SEC16B: variants seen among roughly 807,000 people sequenced by gnomAD.
The protein encoded by SEC16B is SEC16 homolog B, endoplasmic reticulum export factor, also known as protein transport protein Sec16B.
Under a neutral mutation model 141.8 loss-of-function variants are expected in SEC16B, and 115 were observed. The observed-to-expected ratio is 0.81, with a 90% confidence interval of 0.70 to 0.95. SEC16B has a LOEUF of 0.95. Among genes scored for constraint, SEC16B ranks in the 40% least tolerant of loss-of-function variants. The pLI, the probability that SEC16B is intolerant of heterozygous loss-of-function variation, is 0.00. For missense variants in SEC16B, 1,291 were observed against 1,312.3 expected (o/e 0.98, Z 0.25); for synonymous variants, 493 against 492.5 (o/e 1.00, Z -0.01).
intron 5 of SEC16B, among the ~76,000 whole-genome samples, chr1:177,962,875 C>T (rs1158316965): frequency 2.7e-5 from 4 of 150,444 alleles, no homozygotes; most frequent in Admixed American, 1.3e-4. Flanking sequence ...GGGAGGCCGA[C>T]GCAGGAGGAT....
intron 6 of SEC16B, chr1:177,961,175 C>T: frequency 1.9e-6 from 1 of 522,226 alleles, no homozygotes. Flanking sequence ...AATGATAATG[C>T]TCTCAGCCCA....
chr1:177,948,473 C>T (rs1018221719), intron 12 of SEC16B: 10 of 1,304,000 alleles, frequency 7.7e-6, no homozygotes, highest in Non-Finnish European at 1.0e-5. Context: ...AGTCTAGTTC[C>T]TACTGCCACT....
intron 4 of SEC16B, 122 bp from the exon 5 acceptor site, chr1:177,964,401 A>C: frequency 1.6e-6 from 1 of 606,262 alleles, no homozygotes; most frequent in Non-Finnish European, 2.9e-6. Flanking sequence ...CCTGGGTGCC[A>C]TAGGAGAAAG....
rs769109855 is a variant in SEC16B, at chr1:177,929,969, A to C, written c.3112-40T>G. ...CAAATATTACACTGAGTACAGCCCC[A>C]AACATGACTCTGCCCGGGGTTGATT... On this transcript the variant is annotated intron_variant, in intron 25 of 25. Coordinates refer to ENST00000308284, the MANE Select transcript of SEC16B (RefSeq NM_033127.4). The C allele has an allele frequency of 3.7e-6, 6 of 1,601,606 alleles. No homozygotes were observed. The African/African-American group carries it at 5.4e-5, about 14-fold the overall frequency.
At chr1:177,968,994 G>GC (rs2102009119) in intron 1 of SEC16B, among the ~76,000 whole-genome samples, 1 of 152,318 alleles carries the variant, frequency 6.6e-6, no homozygotes, top group African/African-American at 2.4e-5. Context: ...GCACGGGGTA[G>GC]CGGGGGACAG....
At chr1:177,958,538 G>C in intron 9 of SEC16B, 176 bp from the exon 10 acceptor site, 1 of 603,840 alleles carries the variant, frequency 1.7e-6, no homozygotes, top group Non-Finnish European at 2.8e-6. Context: ...CACTATCATG[G>C]TTATTTTCTG....
At chr1:177,949,430 A>ACG (rs1218880008) in intron 12 of SEC16B, among the ~76,000 whole-genome samples, 17 of 144,452 alleles carry the variant, frequency 1.2e-4, no homozygotes, top group African/African-American at 4.4e-4. Context: ...ACACACACAC[A>ACG]AAGAAAAACT....
rs781439866 is a variant in SEC16B at position 177,960,931 on chromosome 1, A to G, written c.796T>C (p.Ser266Pro). The G allele has an allele frequency of 3.3e-6, 5 of 1,500,384 alleles. No individual in the cohort carries two copies. The South Asian group carries it at 5.8e-5, about 17-fold the overall frequency. 92.9% of individuals were successfully genotyped at this position (1,500,384 alleles called of 1,614,324 possible). A position where few individuals can be genotyped will look rare whatever the true frequency, so the allele number is the denominator to read the frequency against. ...TTCATGGGTGCTTTGGGACCAGCTG[A>G]GGAGACATCTTCTGACCAACAGACA... ...AWSPVQADVS[S>P]AGPKAPMKFY... The change falls in exon 7 of 26, where the codon TCA (serine) becomes CCA (proline). Residue 266 changes from serine (S) to proline (P), a missense_variant. Around this residue, in one of 3 missense-constraint regions of SEC16B, gnomAD observed 681 missense variants for 675.5 expected, o/e 1.01. Coordinates refer to ENST00000308284, the MANE Select transcript of SEC16B (RefSeq NM_033127.4).
In SEC16B at chr1:177,965,012, C is replaced by T. The variant is rs771752407; in HGVS notation, c.533+35G>A. On this transcript the variant is annotated intron_variant, in intron 4 of 25. Transcript: ENST00000308284. ...GCCCGACATAGTCTGAGTTTGACAA[C>T]ATCATGTCAAACTGGCCTCTCCTTT... The T allele has an allele frequency of 3.1e-6, 5 of 1,609,110 alleles. No individual in the cohort carries two copies. The Admixed American group carries it at 8.4e-5, about 27-fold the overall frequency.
chr1:177,969,437 C>T (rs539477240), intron 1 of SEC16B, among the ~76,000 whole-genome samples: 4 of 152,262 alleles, frequency 2.6e-5, no homozygotes, highest in African/African-American at 9.6e-5. Flanking sequence ...ACAGCCTTTG[C>T]CAGCAAATCC....
intron 14 of SEC16B, chr1:177,946,064 C>A: frequency 1.9e-6 from 1 of 535,280 alleles, no homozygotes; most frequent in Non-Finnish European, 3.3e-6. Flanking sequence ...CCCAGGGCTG[C>A]CTAACACGGA....
At chr1:177,947,448 C>A (rs1278494635) in intron 13 of SEC16B, among the ~76,000 whole-genome samples, 7 of 151,998 alleles carry the variant, frequency 4.6e-5, no homozygotes, top group Admixed American at 4.6e-4. Context: ...TGACCCAGGG[C>A]TAGAAAATCA....
intron 1 of SEC16B, among the ~76,000 whole-genome samples, chr1:177,975,660 A>T (rs1654142958): frequency 6.6e-6 from 1 of 152,234 alleles, no homozygotes; most frequent in Non-Finnish European, 1.5e-5. Flanking sequence ...GAATGATGAG[A>T]TAATGGCCAC....
chr1:177,967,679 A>G lies in SEC16B; in HGVS notation c.299+4T>C, dbSNP rs1316963303. ...TGCATTCATTCCAAGCCCTAAAGCC[A>G]TACCTTGAATACAACTGATTGCGAT... On this transcript the variant is annotated splice_donor_region_variant and intron_variant, in intron 2 of 25. Coordinates refer to ENST00000308284, the MANE Select transcript of SEC16B (RefSeq NM_033127.4). The G allele has an allele frequency of 1.0e-5, 16 of 1,584,058 alleles. No homozygotes were observed. Among genetic ancestry groups the G allele is most frequent in the Non-Finnish European group, 1.2e-5 (14 of 1,161,034 alleles).
intron 1 of SEC16B, among the ~76,000 whole-genome samples, chr1:177,977,215 C>T (rs375172856): frequency 1.3e-4 from 20 of 152,196 alleles, no homozygotes; most frequent in African/African-American, 4.6e-4. Context: ...GAAGTCACTC[C>T]CTGCCATTTG....
In SEC16B at chr1:177,967,633, T is replaced by C. The variant is rs745542780; in HGVS notation, c.299+50A>G. The C allele has an allele frequency of 1.1e-5, 16 of 1,472,982 alleles. No homozygotes were observed. In the East Asian group the frequency reaches 2.1e-4, roughly 19 times the overall value. 91.2% of individuals were successfully genotyped at this position (1,472,982 alleles called of 1,614,324 possible). On this transcript the variant is annotated intron_variant, in intron 2 of 25. Coordinates refer to ENST00000308284, the MANE Select transcript of SEC16B (RefSeq NM_033127.4). Reference sequence around the variant, plus strand: ...AAGGAAGAAGGAAAAGAACAACCTATTCATACGCATTTAGGAGAGTTGCAT... The same window carrying C: ...AAGGAAGAAGGAAAAGAACAACCTACTCATACGCATTTAGGAGAGTTGCAT...
In SEC16B at chr1:177,958,876, C is replaced by T. The variant is rs369591529; in HGVS notation, c.1098G>A (p.Leu366=). 1.9e-5 allele frequency: 31 copies of T among 1,613,846 alleles called. No individual in the cohort carries two copies. The highest frequency in any genetic ancestry group is 1.7e-4 in the Admixed American group (10 of 60,018). The change falls in exon 9 of 26, where the codon CTG becomes CTA. Residue 366 remains leucine (L), a synonymous_variant. Coordinates refer to ENST00000308284, the MANE Select transcript of SEC16B (RefSeq NM_033127.4). Reference sequence around the variant, plus strand: ...GACAAAGGAGAACCAAGAGCTGCCACAGTAGAGCTGAGTCTCTGCTCCCCA... The same window carrying T: ...GACAAAGGAGAACCAAGAGCTGCCATAGTAGAGCTGAGTCTCTGCTCCCCA... ...ETLGSRDSAL[L]WQLLVLLCRQ...
At position 177,941,824 on chromosome 1, in the gene SEC16B, G is replaced by A. The variant is rs541439694; in HGVS notation, c.2022+76C>T. 1.1e-5 allele frequency: 16 copies of A among 1,519,210 alleles called. No homozygotes were observed. The South Asian group carries it at 1.7e-4, about 17-fold the overall frequency. 94.1% of individuals were successfully genotyped at this position (1,519,210 alleles called of 1,614,324 possible). A position where few individuals can be genotyped will look rare whatever the true frequency, so the allele number is the denominator to read the frequency against. On this transcript the variant is annotated intron_variant, in intron 16 of 25. Transcript: ENST00000308284. The stretch of plus-strand genomic sequence containing the variant: ...ATGTTCAAAGAAGATGAAATGTAGA[G>A]TCTAAGCTGCTCTACGATGGCTTTC...
chr1:177,945,686 A>C (rs1340819431), intron 14 of SEC16B: 1 of 152,296 alleles, frequency 6.6e-6, no homozygotes, highest in African/African-American at 2.4e-5. Context: ...GACGATTAAA[A>C]TCTTTGCTTC....
Sources: gnomAD v4.1 joint callset for allele counts (sites outside exome capture counted in the v4.1 genomes callset) on GRCh38, gnomAD v4.1.1 for gene constraint, gnomAD v4.1.1 regional missense constraint, MANE v1.5 for transcripts, NCBI Gene and HGNC (gene_info 2026-07-23, HGNC 2026-07-21) for gene names.